The following FBXO47 variants were observed in gnomAD, a reference collection of about 807,000 sequenced individuals.
The protein encoded by FBXO47 is F-box only protein 47.
Under a neutral mutation model 53.9 loss-of-function variants are expected in FBXO47, and 34 were observed. That is an observed-to-expected ratio of 0.63 (90% CI 0.48 to 0.84). The LOEUF (loss-of-function observed/expected upper bound fraction) is 0.84. Among genes scored for constraint, FBXO47 ranks in the 40% least tolerant of loss-of-function variants. The probability of loss-of-function intolerance (pLI) is 0.00; values close to 1 mark genes in which losing one functional copy is unlikely to be tolerated. For missense variants in FBXO47, 485 were observed against 541.3 expected, an observed-to-expected ratio of 0.90 and a Z score of 1.03; for synonymous variants, 165 against 181.6, an observed-to-expected ratio of 0.91 and a Z score of 0.73.
At chr17:38,964,833 G>C (rs1177135503) in intron 1 of FBXO47, among the ~76,000 whole-genome samples, 1 of 150,940 alleles carries the variant, frequency 6.6e-6, no homozygotes, top group African/African-American at 2.4e-5. Context: ...TTTTTTTTTA[G>C]ACAGATTATC....
rs567152551 is a variant in FBXO47 at position 38,943,413 on chromosome 17, T to G, written c.940+177A>C. 2.0e-5 allele frequency among the ~76,000 whole-genome samples: 3 copies of G among 152,272 alleles called. No homozygotes were observed. The South Asian group carries it at 6.2e-4, about 32-fold the overall frequency. On this transcript the variant is annotated intron_variant, in intron 8 of 10. Transcript: ENST00000378079. ...TATAAAATTGGCAAGCAAAGGAAAG[T>G]AAGTTGATTATATGCATTCTCTTCA...
intron 6 of FBXO47, among the ~76,000 whole-genome samples, chr17:38,946,349 T>G (rs1478473109): frequency 1.2e-5 from 1 of 85,732 alleles, no homozygotes; most frequent in Non-Finnish European, 1.9e-5. Context: ...TATAAATATA[T>G]AAATATATAT....
chr17:38,946,981 A>T (rs1369345692), intron 6 of FBXO47, among the ~76,000 whole-genome samples: 14 of 129,092 alleles, frequency 1.1e-4, no homozygotes, highest in Admixed American at 6.1e-4. Context: ...AATATATGTA[A>T]ATATATATAA....
intron 6 of FBXO47, among the ~76,000 whole-genome samples, chr17:38,946,096 ATATT>A (rs1186456093): frequency 2.3e-5 from 3 of 128,504 alleles, no homozygotes; most frequent in Admixed American, 1.9e-4. Context: ...ACATAAATAT[ATATT>A]TATATATAAA....
intron 5 of FBXO47, among the ~76,000 whole-genome samples, chr17:38,953,276 G>A (rs1168168280): frequency 1.3e-5 from 2 of 151,604 alleles, no homozygotes; most frequent in South Asian, 2.1e-4. Flanking sequence ...CTGAAATCAC[G>A]CGACTGTACT....
chr17:38,944,850 G>GCA (rs1263527854), intron 7 of FBXO47, 110 bp downstream of exon 7: 1 of 461,964 alleles, frequency 2.2e-6, no homozygotes, highest in Non-Finnish European at 3.8e-6. Flanking sequence ...GTGCATGCAT[G>GCA]TGTGTGTGTG....
At chr17:38,946,217 AAT>A (rs1379742091) in intron 6 of FBXO47, among the ~76,000 whole-genome samples, 1 of 112,244 alleles carries the variant, frequency 8.9e-6, no homozygotes, top group African/African-American at 3.7e-5. Flanking sequence ...TATATACAAA[AAT>A]ATATATAAAT....
chr17:38,945,307 T>C (rs1450831166), intron 6 of FBXO47, among the ~76,000 whole-genome samples, 171 bp from the exon 7 acceptor site: 1 of 152,182 alleles, frequency 6.6e-6, no homozygotes, highest in African/African-American at 2.4e-5. Context: ...CTTCATAATT[T>C]GTCTATCTAC....
intron 7 of FBXO47, among the ~76,000 whole-genome samples, chr17:38,944,192 TG>T (rs1567715196): frequency 4.0e-5 from 1 of 25,192 alleles, no homozygotes; most frequent in Non-Finnish European, 1.3e-4. Flanking sequence ...AAAAAAAACA[TG>T]TGTGTGTGTG....
chr17:38,939,814 C>T (rs967794135), intron 9 of FBXO47, among the ~76,000 whole-genome samples: 4 of 150,106 alleles, frequency 2.7e-5, no homozygotes, highest in African/African-American at 9.9e-5. Context: ...ACTACAGGCG[C>T]CCGCCACCGC....
rs116077655 is a variant in FBXO47 at position 38,954,015 on chromosome 17, G to A, written c.507+841C>T. 8.9e-3 allele frequency among the ~76,000 whole-genome samples: 1,346 copies of A among 152,074 alleles called. 26 individuals carry two copies. The highest frequency in any genetic ancestry group is 0.031 in the African/African-American group (1,301 of 41,470). On this transcript the variant is annotated intron_variant, in intron 5 of 10. Transcript: ENST00000378079. The stretch of plus-strand genomic sequence containing the variant: ...TTTAAATTAGTTAATACATGTTGTC[G>A]GGTGTGGTTGCTCACGCCTGTAATC...
intron 4 of FBXO47, among the ~76,000 whole-genome samples, chr17:38,956,591 CAAAAAAAA>C (rs1158036745): frequency 1.8e-5 from 1 of 55,946 alleles, no homozygotes; most frequent in Non-Finnish European, 4.2e-5. Context: ...TCTGTCTCAA[CAAAAAAAA>C]AAAAAAAAGA....
chr17:38,944,516 C>T (rs1904654670), intron 7 of FBXO47, among the ~76,000 whole-genome samples: 1 of 151,442 alleles, frequency 6.6e-6, no homozygotes, highest in Non-Finnish European at 1.5e-5. Flanking sequence ...TTCTGGCTAA[C>T]ACGGTGAAAC....
chr17:38,941,192 G>A (rs1477628720), intron 9 of FBXO47, among the ~76,000 whole-genome samples: 1 of 151,038 alleles, frequency 6.6e-6, no homozygotes, highest in African/African-American at 2.5e-5. Flanking sequence ...ATTTTTTTGA[G>A]ACAGCATCTC....
At chr17:38,953,616 C>T (rs1209883043) in intron 5 of FBXO47, among the ~76,000 whole-genome samples, 1 of 152,124 alleles carries the variant, frequency 6.6e-6, no homozygotes, top group African/African-American at 2.4e-5. Context: ...CAGAGTGAGA[C>T]TCTGCCTCAA....
chr17:38,946,016 T>C (rs1468795454), intron 6 of FBXO47, among the ~76,000 whole-genome samples: 1 of 125,196 alleles, frequency 8.0e-6, no homozygotes, highest in African/African-American at 3.0e-5. Flanking sequence ...TACATAAATA[T>C]AAAAATATAA....
chr17:38,951,958 T>TGGA (rs1293675523), intron 5 of FBXO47, among the ~76,000 whole-genome samples: 1 of 151,350 alleles, frequency 6.6e-6, no homozygotes, highest in Non-Finnish European at 1.5e-5. Flanking sequence ...ACCTGGGAGG[T>TGGA]GGAGGTTGCA....
Position 38,939,273 on chromosome 17 carries a change from A to AGTC in FBXO47, c.1084-542_1084-541insGAC, listed in dbSNP as rs1491387125. Reference sequence around the variant, plus strand: ...ATACCACTGCACTCCAGCCTGGGGGACAGAGCCAGACTCCATCTCCAAAAA... The same window carrying AGTC: ...ATACCACTGCACTCCAGCCTGGGGGAGTCCAGAGCCAGACTCCATCTCCAAAAA... On this transcript the variant is annotated intron_variant, in intron 9 of 10. Coordinates refer to ENST00000378079, the MANE Select transcript of FBXO47 (RefSeq NM_001008777.3). 2.4e-5 allele frequency among the ~76,000 whole-genome samples: 3 copies of AGTC among 124,482 alleles called. No homozygotes were observed. In the East Asian group the frequency reaches 8.1e-4, roughly 34 times the overall value. 81.7% of individuals were successfully genotyped at this position (124,482 alleles called of 152,430 possible).
In FBXO47 at chr17:38,951,638, A is replaced by G. The variant is rs1021048901; in HGVS notation, c.559T>C (p.Leu187=). ...CGGCAGAGATTAGTCAGTTCGCATA[A>G]GAAATTATAAACGCGATGGCACTCA... ...ELECHRVYNF[L]CELTNLCRKI... is the part of the protein sequence containing the mutation. Residue 187 remains leucine, a synonymous_variant, in exon 6 of 11, where the codon TTA becomes CTA. Coordinates refer to ENST00000378079, the MANE Select transcript of FBXO47 (RefSeq NM_001008777.3). The G allele has an allele frequency of 1.2e-6, 2 of 1,614,036 alleles. No homozygotes were observed. The highest frequency in any genetic ancestry group is 1.3e-5 in the African/African-American group (1 of 74,950).
Sources: gnomAD v4.1 joint callset for allele counts (sites outside exome capture counted in the v4.1 genomes callset) on GRCh38, gnomAD v4.1.1 for gene constraint, MANE v1.5 for transcripts, NCBI Gene and HGNC (gene_info 2026-07-23, HGNC 2026-07-21) for gene names.